Variants in ANKRD34B observed in about 807,000 individuals in gnomAD.
The protein encoded by ANKRD34B is ankyrin repeat domain 34B, also known as ankyrin repeat domain-containing protein 34B.
A neutral mutation model predicts 4.4 loss-of-function variants in ANKRD34B; 2 were observed. That is an observed-to-expected ratio of 0.46 (90% CI 0.19 to 1.44). ANKRD34B has a LOEUF of 1.44. Ranked by LOEUF, ANKRD34B falls within the 40% of genes most tolerant of loss-of-function variation. ANKRD34B has a pLI of 0.26. For synonymous variants in ANKRD34B, 226 were observed against 227.1 expected (o/e 0.99, Z 0.05); for missense variants, 558 against 604.7 (o/e 0.92, Z 0.81).
intron 3 of ANKRD34B, among the ~76,000 whole-genome samples, chr5:80,565,053 G>C (rs1746525123): frequency 6.6e-6 from 1 of 152,182 alleles, no homozygotes; most frequent in South Asian, 2.1e-4. Context: ...AAATTGCCTA[G>C]ACATTAAACT....
Position 80,559,997 on chromosome 5 carries a change from G to A in ANKRD34B, c.23C>T (p.Ser8Leu), listed in dbSNP as rs762597114. Residue 8 changes from serine to leucine, a missense_variant, in exon 5 of 5, where the codon TCA becomes TTA. By Grantham distance (145) the Ser-to-Leu change is moderately radical. Transcript: ENST00000338682. MDEGMEI[S>L]SEGNSLIKAV... is the part of the protein sequence containing the mutation. Reference sequence around the variant, plus strand: ...TTTGATCAAGGAATTTCCTTCACTTGAAATTTCCATACCTTCATCCATCTT... The same window carrying A: ...TTTGATCAAGGAATTTCCTTCACTTAAAATTTCCATACCTTCATCCATCTT... The A allele has an allele frequency of 1.6e-5, 25 of 1,592,600 alleles. No individual in the cohort carries two copies. The highest frequency in any genetic ancestry group is 2.1e-5 in the Non-Finnish European group (24 of 1,169,064).
intron 2 of ANKRD34B, among the ~76,000 whole-genome samples, chr5:80,567,784 C>T (rs913321791): frequency 7.9e-5 from 12 of 151,908 alleles, no homozygotes; most frequent in African/African-American, 2.2e-4. Flanking sequence ...AAATTCAGCC[C>T]GTCGCCCTTG....
chr5:80,567,399 T>C (rs1202601280), intron 2 of ANKRD34B, among the ~76,000 whole-genome samples: 1 of 150,892 alleles, frequency 6.6e-6, no homozygotes, highest in East Asian at 2.0e-4. Flanking sequence ...GGGGAGCGGA[T>C]CAACTGAGGT....
chr5:80,559,361 T>C lies in ANKRD34B; in HGVS notation c.659A>G (p.Asn220Ser), dbSNP rs745485441. ...GGAACCTGGGTCCCAGGTATCATCA[T>C]TGCTTCCAGCAAGCTCAAGATCTTT... ...GFKDLELAGS[N>S]DDTWDPGSPV... Residue 220 changes from asparagine (N) to serine (S), a missense_variant, in exon 5 of 5, where the codon AAT becomes AGT. Asn to Ser is a conservative substitution (Grantham distance 46, BLOSUM62 1). Coordinates refer to ENST00000338682, the MANE Select transcript of ANKRD34B (RefSeq NM_001004441.3). 7 of 1,614,078 alleles carry C rather than the reference T, an allele frequency of 4.3e-6. No individual in the cohort carries two copies. Among genetic ancestry groups the C allele is most frequent in the South Asian group, 2.2e-5 (2 of 91,092 alleles).
In ANKRD34B at chr5:80,570,196, T is replaced by C. The variant is rs1373691705; in HGVS notation, c.-381A>G. Reference sequence around the variant, plus strand: ...GTTGGCGGCGGCGCTTTCAAACCTCTCTCCGGCACTGCCCGACCCTCTGTG... The same window carrying C: ...GTTGGCGGCGGCGCTTTCAAACCTCCCTCCGGCACTGCCCGACCCTCTGTG... On this transcript the variant is annotated 5_prime_UTR_variant, in exon 1 of 5. Transcript: ENST00000338682. 6.6e-6 allele frequency: 1 copy of C among 152,284 alleles called. No individual in the cohort carries two copies. The highest frequency in any genetic ancestry group is 6.5e-5 in the Admixed American group (1 of 15,276). The allele number at this position is 152,284 out of a possible 1,614,324, so 9.4% of individuals were successfully genotyped here.
intron 4 of ANKRD34B, among the ~76,000 whole-genome samples, chr5:80,561,818 A>G (rs1050192455): frequency 3.3e-5 from 5 of 152,214 alleles, no homozygotes; most frequent in African/African-American, 1.2e-4. Flanking sequence ...GCGGTTATTT[A>G]TAAGGAAACA....
chr5:80,567,621 C>CAAAAAAAA (rs111603222), intron 2 of ANKRD34B, among the ~76,000 whole-genome samples: 186 of 50,400 alleles, frequency 3.7e-3, no homozygotes, highest in African/African-American at 3.9e-3. Context: ...GACTCCGTCT[C>CAAAAAAAA]AAAAAAAAAA....
chr5:80,559,066 T>G lies in ANKRD34B; in HGVS notation c.954A>C (p.Ser318=). Residue 318 remains serine (S), a synonymous_variant, in exon 5 of 5, where the codon TCA becomes TCC. Transcript: ENST00000338682. ...AAGATTGACAATTTATTTCATCATA[T>G]GACATCTTCCTTGAGCTGGCCTGAT... ...AFDQASSRKM[S]YDEINCQSYL... The G allele has an allele frequency of 6.2e-7, 1 of 1,614,270 alleles. No homozygotes were observed. Among genetic ancestry groups the G allele is most frequent in the Non-Finnish European group, 8.5e-7 (1 of 1,180,050 alleles).
rs1245199328 is a variant in ANKRD34B, at chr5:80,557,410, T to C, written c.*1065A>G. On this transcript the variant is annotated 3_prime_UTR_variant, in exon 5 of 5. Transcript: ENST00000338682. ...ACTACATATCAGAAATAAAAAGGCATTGTTTAATATTGCCAAATATTTAGT... is the reference window on the plus strand; with the variant it reads ...ACTACATATCAGAAATAAAAAGGCACTGTTTAATATTGCCAAATATTTAGT... The C allele has an allele frequency of 6.6e-6, 1 of 152,088 alleles. No individual in the cohort carries two copies. Among genetic ancestry groups the C allele is most frequent in the Non-Finnish European group, 1.5e-5 (1 of 67,998 alleles). 9.4% of individuals were successfully genotyped at this position (152,088 alleles called of 1,614,324 possible).
intron 2 of ANKRD34B, 39 bp downstream of exon 2, chr5:80,568,921 C>CAG (rs1414177718): frequency 1.9e-3 from 103 of 53,544 alleles, no homozygotes; most frequent in East Asian, 3.8e-3. Context: ...CACACACACA[C>CAG]ACACAGAGAG....
chr5:80,562,386 C>T (rs945842997), intron 4 of ANKRD34B, among the ~76,000 whole-genome samples: 1 of 152,132 alleles, frequency 6.6e-6, no homozygotes, highest in Non-Finnish European at 1.5e-5. Context: ...AAGACTACCC[C>T]TCCCGCTCTC....
At chr5:80,567,063 G>A (rs189916265) in intron 2 of ANKRD34B, among the ~76,000 whole-genome samples, 1 of 152,298 alleles carries the variant, frequency 6.6e-6, no homozygotes, top group East Asian at 1.9e-4. Flanking sequence ...AAGGAAAGGT[G>A]AGGGCACTCT....
intron 3 of ANKRD34B, among the ~76,000 whole-genome samples, chr5:80,564,147 G>A (rs1377756994): frequency 6.6e-6 from 1 of 152,022 alleles, no homozygotes; most frequent in Non-Finnish European, 1.5e-5. Flanking sequence ...ATCTTTAGGG[G>A]AAGGTATTTT....
chr5:80,563,250 CAG>C (rs1213083936), intron 4 of ANKRD34B, among the ~76,000 whole-genome samples: 1 of 151,990 alleles, frequency 6.6e-6, no homozygotes, highest in African/African-American at 2.4e-5. Flanking sequence ...TTGGGAGGGA[CAG>C]AGAGAGGCCC....
intron 4 of ANKRD34B, 82 bp downstream of exon 4, chr5:80,563,653 C>T (rs1167365564): frequency 6.6e-6 from 1 of 152,186 alleles, no homozygotes. Flanking sequence ...TATATACATA[C>T]ATAAATGCAA....
At chr5:80,569,196 GA>G (rs1746678553) in intron 1 of ANKRD34B, 89 bp from the exon 2 acceptor site, 1 of 152,478 alleles carries the variant, frequency 6.6e-6, no homozygotes, top group Non-Finnish European at 1.5e-5. Flanking sequence ...CCTCATCTCT[GA>G]GCCAGGGCAG....
chr5:80,568,907 C>CACAT (rs1746655711), intron 2 of ANKRD34B, 53 bp downstream of exon 2: 1 of 93,528 alleles, frequency 1.1e-5, no homozygotes, highest in Admixed American at 1.3e-4. Flanking sequence ...CACACACACA[C>CACAT]ACACACACAC....
Position 80,567,621 on chromosome 5 carries a change from C to CAAAAAAAAAAAAAAAAAAAAAAAA in ANKRD34B, c.-190-848_-190-847insTTTTTTTTTTTTTTTTTTTTTTTT, listed in dbSNP as rs111603222. ...GGGTGACAAAAGCAAGACTCCGTCT[C>CAAAAAAAAAAAAAAAAAAAAAAAA]AAAAAAAAAAAAAAAGAAAAGAAAA... On this transcript the variant is annotated intron_variant, in intron 2 of 4. Coordinates refer to ENST00000338682, the MANE Select transcript of ANKRD34B (RefSeq NM_001004441.3). Among the ~76,000 whole-genome samples the CAAAAAAAAAAAAAAAAAAAAAAAA allele has an allele frequency of 2.9e-3, 144 of 50,232 alleles. No individual in the cohort carries two copies. The Middle Eastern group carries it at 0.031, about 11-fold the overall frequency. The allele number at this position is 50,232 out of a possible 152,430, so 33.0% of individuals were successfully genotyped here. A position where few individuals can be genotyped will look rare whatever the true frequency, so the allele number is the denominator to read the frequency against.
intron 2 of ANKRD34B, among the ~76,000 whole-genome samples, 196 bp from the exon 3 acceptor site, chr5:80,566,970 C>T (rs1746586612): frequency 6.6e-6 from 1 of 152,166 alleles, no homozygotes; most frequent in East Asian, 1.9e-4. Context: ...GTGTGTCTGC[C>T]TGCAGGGCTG....
Sources: gnomAD v4.1 joint callset for allele counts (sites outside exome capture counted in the v4.1 genomes callset) on GRCh38, gnomAD v4.1.1 for gene constraint, MANE v1.5 for transcripts, NCBI Gene and HGNC (gene_info 2026-07-23, HGNC 2026-07-21) for gene names.